KDM2B: variants seen among roughly 807,000 people sequenced by gnomAD.
KDM2B encodes lysine-specific demethylase 2B.
Under a neutral mutation model 150.0 loss-of-function variants are expected in KDM2B, and 26 were observed. The observed-to-expected ratio is 0.17, with a 90% CI of 0.13 to 0.24. The LOEUF (loss-of-function observed/expected upper bound fraction) is 0.24. KDM2B is among the 10% of genes least tolerant of loss of function. The probability of loss-of-function intolerance (pLI) is 1.00; values close to 1 mark genes in which losing one functional copy is unlikely to be tolerated. For missense variants in KDM2B, 1,265 were observed against 1,816.9 expected (o/e 0.70, Z 5.52); for synonymous variants, 734 against 729.5 (o/e 1.01, Z -0.10).
chr12:121,496,736 C>G (rs527302362), intron 11 of KDM2B, among the ~76,000 whole-genome samples: 1 of 152,154 alleles, frequency 6.6e-6, no homozygotes, highest in South Asian at 2.1e-4. Context: ...AAGCAAAACA[C>G]CTGCCTCAGC....
chr12:121,564,313 C>T (rs977074236), intron 4 of KDM2B, among the ~76,000 whole-genome samples: 1 of 151,228 alleles, frequency 6.6e-6, no homozygotes, highest in Non-Finnish European at 1.5e-5. Flanking sequence ...AAAAAATTAG[C>T]CGGGCGTGGT....
At chr12:121,541,395 C>CAAA (rs59029432) in intron 6 of KDM2B, among the ~76,000 whole-genome samples, 53 of 29,220 alleles carry the variant, frequency 1.8e-3, no homozygotes, top group African/African-American at 3.8e-3. Context: ...GCCCCTGTCT[C>CAAA]AAAAAAAAAA....
intron 21 of KDM2B, 190 bp downstream of exon 21, chr12:121,440,626 G>A (rs950075900): frequency 1.2e-5 from 7 of 583,340 alleles, no homozygotes; most frequent in African/African-American, 3.7e-5. Flanking sequence ...CCAGGAGCGA[G>A]TCTCACGTGT....
upstream of KDM2B, among the ~76,000 whole-genome samples, chr12:121,582,218 A>G (rs1194251656): frequency 6.6e-6 from 1 of 152,074 alleles, no homozygotes; most frequent in African/African-American, 2.4e-5. Context: ...TAGGACTAAG[A>G]AAAGCAAAGC....
In KDM2B at chr12:121,467,389, G is replaced by C. The variant is rs1880188012; in HGVS notation, c.1735-14045C>G. The C allele has an allele frequency of 5.1e-6, 5 of 973,568 alleles. No homozygotes were observed. Among genetic ancestry groups the C allele is most frequent in the Non-Finnish European group, 6.1e-6 (5 of 821,476 alleles). The allele number at this position is 973,568 out of a possible 1,614,324, so 60.3% of individuals were successfully genotyped here. A position where few individuals can be genotyped will look rare whatever the true frequency, so the allele number is the denominator to read the frequency against. On this transcript the variant is annotated intron_variant, in intron 12 of 22. Transcript: ENST00000377071. This position sits in a 1 kb window ranked among gnomAD's most constrained non-coding sequence, Gnocchi z 5.1. The stretch of plus-strand genomic sequence containing the variant: ...TCGCACGCCCGCGCTGGAGGGGGCG[G>C]GGAGGGGCCGGCGGGGGAGGGCCGG...
intron 11 of KDM2B, among the ~76,000 whole-genome samples, chr12:121,508,003 CCTGT>C (rs1220133555): frequency 2.6e-5 from 4 of 152,134 alleles, no homozygotes; most frequent in African/African-American, 9.7e-5. Flanking sequence ...AGAGTAACAC[CCTGT>C]CTGTCTCAAC....
chr12:121,479,292 G>T (rs1287150849), intron 12 of KDM2B, among the ~76,000 whole-genome samples: 1 of 127,516 alleles, frequency 7.8e-6, no homozygotes, highest in Non-Finnish European at 1.7e-5. Flanking sequence ...CCCCACCCCC[G>T]CCGTCTCTAC....
chr12:121,440,697 G>T, intron 21 of KDM2B, 119 bp downstream of exon 21: 1 of 1,003,264 alleles, frequency 1.0e-6, no homozygotes, highest in Non-Finnish European at 1.5e-6. Context: ...TGAGAACATG[G>T]CAGCAGAGAC....
rs781789989 is a variant in KDM2B at position 121,430,051 on chromosome 12, C to T, written c.*237G>A. 3.6e-6 allele frequency: 5 copies of T among 1,371,220 alleles called. No individual in the cohort carries two copies. Among genetic ancestry groups the T allele is most frequent in the Middle Eastern group, 1.8e-4 (1 of 5,612 alleles). The allele number at this position is 1,371,220 out of a possible 1,614,324, so 84.9% of individuals were successfully genotyped here. On this transcript the variant is annotated 3_prime_UTR_variant, in exon 23 of 23. Coordinates refer to ENST00000377071, the MANE Select transcript of KDM2B (RefSeq NM_032590.5). The surrounding 1 kb of genome is among the most constrained non-coding windows in gnomAD (Gnocchi z 4.4). Reference sequence around the variant, plus strand: ...GACAGGAATGTCTTCTTGTAAAGGCCGCCTTAGAAATGGTCCAGAAAGCAG... The same window carrying T: ...GACAGGAATGTCTTCTTGTAAAGGCTGCCTTAGAAATGGTCCAGAAAGCAG...
At position 121,446,426 on chromosome 12, in the gene KDM2B, T is replaced by C. The variant is rs184969003; in HGVS notation, c.1960-1008A>G. ...AAAGATCACCAGTTTCATCTAAGAA[T>C]ATCTCTGATGAAACAGTAAAAATTA... On this transcript the variant is annotated intron_variant, in intron 13 of 22. Transcript: ENST00000377071. Among the ~76,000 whole-genome samples the C allele has an allele frequency of 1.8e-4, 28 of 152,346 alleles. No individual in the cohort carries two copies. In the East Asian group the frequency reaches 4.4e-3, roughly 24 times the overall value.
chr12:121,491,215 T>C (rs1883309505), intron 12 of KDM2B, among the ~76,000 whole-genome samples: 1 of 152,174 alleles, frequency 6.6e-6, no homozygotes, highest in Admixed American at 6.6e-5. Context: ...TTTCTTCTCC[T>C]AAGGAAGTGG....
chr12:121,516,040 G>A (rs1886156901), intron 9 of KDM2B, among the ~76,000 whole-genome samples: 2 of 152,138 alleles, frequency 1.3e-5, no homozygotes, highest in South Asian at 2.1e-4. Context: ...GATTTCCTAT[G>A]AAGAAGGGTT....
Position 121,442,870 on chromosome 12 carries a change from G to C in KDM2B, c.2605-34C>G. On this transcript the variant is annotated intron_variant, in intron 18 of 22. Coordinates refer to ENST00000377071, the MANE Select transcript of KDM2B (RefSeq NM_032590.5). This position sits in a 1 kb window ranked among gnomAD's most constrained non-coding sequence, Gnocchi z 7.7. The stretch of plus-strand genomic sequence containing the variant: ...GAGAGCGGAGACGCGTCAGCCTCTG[G>C]GGCTCAGGGCTGCGCCCGCCCAAGG... 1 of 1,523,416 alleles carries C rather than the reference G, an allele frequency of 6.6e-7. No homozygotes were observed. The highest frequency in any genetic ancestry group is 1.3e-5 in the South Asian group (1 of 77,536). 94.4% of individuals were successfully genotyped at this position (1,523,416 alleles called of 1,614,324 possible). A position where few individuals can be genotyped will look rare whatever the true frequency, so the allele number is the denominator to read the frequency against.
intron 11 of KDM2B, among the ~76,000 whole-genome samples, chr12:121,497,946 A>T (rs1284106397): frequency 2.6e-5 from 4 of 151,904 alleles, no homozygotes; most frequent in African/African-American, 9.7e-5. Flanking sequence ...AACTACAAAA[A>T]TTAGCCAGAT....
At chr12:121,505,584 G>A (rs1393375149) in intron 11 of KDM2B, among the ~76,000 whole-genome samples, 5 of 152,078 alleles carry the variant, frequency 3.3e-5, no homozygotes, top group African/African-American at 1.2e-4. Flanking sequence ...GAACAAATGG[G>A]TTTTTAGTAT....
chr12:121,534,160 T>C (rs112891866), intron 7 of KDM2B, among the ~76,000 whole-genome samples: 2,592 of 152,118 alleles, frequency 0.017, 80 homozygotes, highest in African/African-American at 0.058. Context: ...CCATCCTGGC[T>C]AACACGGTGA....
chr12:121,559,723 A>G (rs1171546157), intron 4 of KDM2B, among the ~76,000 whole-genome samples: 1 of 151,958 alleles, frequency 6.6e-6, no homozygotes, highest in African/African-American at 2.4e-5. Context: ...CAACATGGAG[A>G]AACTCCGTCT....
At chr12:121,504,984 GCAGGCGCCTGTAGTCC>G (rs1447108087) in intron 11 of KDM2B, among the ~76,000 whole-genome samples, 70 of 152,170 alleles carry the variant, frequency 4.6e-4, no homozygotes, top group African/African-American at 1.5e-3. Context: ...GGGCGTTGTG[GCAGGCGCCTGTAGTCC>G]CAGCTACTCA....
At chr12:121,428,585 T>C (rs1872630800), downstream of KDM2B, among the ~76,000 whole-genome samples, 1 of 152,224 alleles carries the variant, frequency 6.6e-6, no homozygotes, top group African/African-American at 2.4e-5. Flanking sequence ...TACATTGCTC[T>C]TATCAATCAC....
Sources: gnomAD v4.1 joint callset for allele counts (sites outside exome capture counted in the v4.1 genomes callset) on GRCh38, gnomAD v4.1.1 for gene constraint, Gnocchi (gnomAD v3.1) non-coding constraint, MANE v1.5 for transcripts, NCBI Gene and HGNC (gene_info 2026-07-23, HGNC 2026-07-21) for gene names.